ACTR3C: variants seen among roughly 807,000 people sequenced by gnomAD.
ACTR3C encodes the protein actin related protein 3C, also known as actin-related protein 3C.
A neutral mutation model predicts 26.3 loss-of-function variants in ACTR3C; 18 were observed. That is an observed-to-expected ratio of 0.68 (90% CI 0.47 to 1.01). The LOEUF is 1.01. Ranked by LOEUF, ACTR3C falls within the 50% of genes least tolerant of loss-of-function variation. The pLI is 0.00. For missense variants in ACTR3C, 184 were observed against 250.7 expected (o/e 0.73, Z 1.80); for synonymous variants, 55 against 94.5 (o/e 0.58, Z 2.42).
At chr7:150,299,460 C>A (rs535079790) in intron 1 of ACTR3C, among the ~76,000 whole-genome samples, 1 of 110,790 alleles carries the variant, frequency 9.0e-6, no homozygotes, top group Non-Finnish European at 1.8e-5. Flanking sequence ...TAGAGACCCC[C>A]TCTCAAAAAA....
the ACTR3C span, among the ~76,000 whole-genome samples, chr7:150,039,871 G>GATT: frequency 2.2e-5 from 3 of 134,674 alleles, no homozygotes; most frequent in Admixed American, 7.2e-5. Flanking sequence ...GGGGAAGAGG[G>GATT]GCTCGCTCTC....
At chr7:150,198,693 A>G in the ACTR3C span, among the ~76,000 whole-genome samples, 2 of 132,890 alleles carry the variant, frequency 1.5e-5, no homozygotes, top group African/African-American at 2.9e-5. Context: ...CCCGGCAGCC[A>G]CCCCATCTGG....
chr7:150,186,455 GT>G, the ACTR3C span, among the ~76,000 whole-genome samples: 1 of 152,158 alleles, frequency 6.6e-6, no homozygotes, highest in Non-Finnish European at 1.5e-5. Flanking sequence ...ACATGTTTGT[GT>G]TATAATCCAA....
chr7:150,041,861 C>A, the ACTR3C span, among the ~76,000 whole-genome samples: 1 of 145,274 alleles, frequency 6.9e-6, no homozygotes, highest in African/African-American at 2.6e-5. Flanking sequence ...TCTCAGTCCC[C>A]ACTCTCGTGA....
At chr7:150,042,559 T>TTTCAGTAATCCCACATAAGGTAC in the ACTR3C span, among the ~76,000 whole-genome samples, 3 of 149,110 alleles carry the variant, frequency 2.0e-5, no homozygotes, top group African/African-American at 7.4e-5. Context: ...AGGGGTTGGC[T>TTTCAGTAATCCCACATAAGGTAC]CTGAGTCCCC....
At chr7:150,089,330 T>A in the ACTR3C span, among the ~76,000 whole-genome samples, 1 of 152,200 alleles carries the variant, frequency 6.6e-6, no homozygotes, top group Non-Finnish European at 1.5e-5. Context: ...AAACGCCAGC[T>A]GAAAGGACAG....
At chr7:150,084,633 T>C in the ACTR3C span, among the ~76,000 whole-genome samples, 7 of 152,088 alleles carry the variant, frequency 4.6e-5, no homozygotes, top group South Asian at 4.1e-4. Context: ...GAACGCGGGC[T>C]GATATGGCCA....
At chr7:150,198,101 C>G in the ACTR3C span, among the ~76,000 whole-genome samples, 1 of 151,464 alleles carries the variant, frequency 6.6e-6, no homozygotes, top group Admixed American at 6.5e-5. Flanking sequence ...CAGCCTTGGC[C>G]TCCCGAGGTG....
the ACTR3C span, among the ~76,000 whole-genome samples, chr7:150,142,830 T>TTTTTTG: frequency 2.8e-5 from 4 of 144,988 alleles, no homozygotes; most frequent in Admixed American, 1.4e-4. Flanking sequence ...CGCCTGGCTT[T>TTTTTTG]TTTTTGTTTT....
chr7:150,146,116 T>C, the ACTR3C span, among the ~76,000 whole-genome samples: 11 of 152,204 alleles, frequency 7.2e-5, no homozygotes, highest in Admixed American at 1.3e-4. Context: ...CTGTAATTAT[T>C]AGTTATCCAT....
At chr7:150,046,356 C>CG in the ACTR3C span, among the ~76,000 whole-genome samples, 2 of 80,306 alleles carry the variant, frequency 2.5e-5, 1 homozygote, top group Admixed American at 2.2e-4. Flanking sequence ...CGCCCCCCCC[C>CG]CCCCGACCCA....
At chr7:150,286,639 G>A in intron 4 of ACTR3C, 99 bp from the exon 5 acceptor site, 1 of 1,526,438 alleles carries the variant, frequency 6.6e-7, no homozygotes, top group Non-Finnish European at 8.9e-7. Flanking sequence ...AACACACCCT[G>A]GGATCAGAAC....
chr7:150,149,083 A>G, the ACTR3C span, among the ~76,000 whole-genome samples: 87 of 2,152 alleles, frequency 0.04, 5 homozygotes, highest in Non-Finnish European at 0.067. Flanking sequence ...GTTTGAGTAT[A>G]TATATATATA....
At chr7:150,042,350 T>TCC in the ACTR3C span, among the ~76,000 whole-genome samples, 3 of 114,990 alleles carry the variant, frequency 2.6e-5, no homozygotes, top group African/African-American at 1.1e-4. Flanking sequence ...GGGGGGTGCC[T>TCC]CCGCCCCCAG....
At chr7:150,203,496 T>C in the ACTR3C span, among the ~76,000 whole-genome samples, 1 of 152,214 alleles carries the variant, frequency 6.6e-6, no homozygotes, top group Non-Finnish European at 1.5e-5. Context: ...TACATCCTCC[T>C]GATACACCCC....
the ACTR3C span, among the ~76,000 whole-genome samples, chr7:150,042,619 G>A: frequency 1.9e-3 from 287 of 150,558 alleles, 3 homozygotes; most frequent in South Asian, 0.027. Context: ...CCAAGAGCCA[G>A]GGGGTAAGAG....
chr7:150,117,384 G>A, the ACTR3C span, among the ~76,000 whole-genome samples: 3 of 152,176 alleles, frequency 2.0e-5, no homozygotes, highest in African/African-American at 7.2e-5. Flanking sequence ...TGGGATGCTC[G>A]AGCTTGGTGG....
chr7:149,969,941 G>C, the ACTR3C span, among the ~76,000 whole-genome samples: 29 of 152,276 alleles, frequency 1.9e-4, no homozygotes, highest in Non-Finnish European at 3.4e-4. Context: ...CCCCCAAGGA[G>C]CTGGAAGGGG....
the ACTR3C span, among the ~76,000 whole-genome samples, chr7:150,149,014 T>C: frequency 2.0e-5 from 3 of 148,806 alleles, no homozygotes; most frequent in African/African-American, 4.9e-5. Flanking sequence ...GCCACCGTGA[T>C]GGGCATAAAA....
Sources: allele counts gnomAD v4.1 joint callset (sites outside exome capture counted in the v4.1 genomes callset), GRCh38; gene constraint gnomAD v4.1.1; transcripts MANE v1.5; gene names NCBI Gene and HGNC (gene_info 2026-07-23, HGNC 2026-07-21).